SEM1: variants seen among roughly 807,000 people sequenced by gnomAD.
SEM1 encodes the protein 26S proteasome complex subunit SEM1.
Under a neutral mutation model 12.7 loss-of-function variants are expected in SEM1, and 3 were observed. That is an observed-to-expected ratio of 0.24 (90% CI 0.11 to 0.61). The LOEUF (loss-of-function observed/expected upper bound fraction) is 0.61, where lower values mean the gene tolerates loss of function less well. SEM1 is among the 20% of genes least tolerant of loss of function. The pLI is 0.88. For missense variants in SEM1, 59 were observed against 81.3 expected (o/e 0.73, Z 1.06); for synonymous variants, 30 against 27.8 (o/e 1.08, Z -0.25).
chr7:96,486,564 G>A, intron 1 of SEM1: 1 of 650,442 alleles, frequency 1.5e-6, no homozygotes, highest in South Asian at 1.9e-5. Flanking sequence ...CAAAAGCAGT[G>A]TAAGAGCAGG....
intron 2 of SEM1, chr7:96,653,921 G>A (rs918294476): frequency 6.6e-6 from 1 of 152,180 alleles, no homozygotes; most frequent in Non-Finnish European, 1.5e-5. Flanking sequence ...ACTTAATAGT[G>A]TCTATTTCTT....
intron 2 of SEM1, among the ~76,000 whole-genome samples, chr7:96,627,931 T>G (rs759334214): frequency 1.3e-5 from 2 of 152,128 alleles, no homozygotes; most frequent in Non-Finnish European, 2.9e-5. Context: ...TAATATTTGC[T>G]TTATATCTCT....
At chr7:96,542,469 A>G (rs1411609580) in intron 2 of SEM1, among the ~76,000 whole-genome samples, 2 of 151,858 alleles carry the variant, frequency 1.3e-5, no homozygotes, top group African/African-American at 4.8e-5. Context: ...ACTTTACTGA[A>G]GTCTTTTATC....
chr7:96,546,879 T>C (rs1265981536), intron 2 of SEM1, among the ~76,000 whole-genome samples: 2 of 152,102 alleles, frequency 1.3e-5, no homozygotes, highest in Non-Finnish European at 2.9e-5. Context: ...ACCTAGTTGA[T>C]TAGAAGCCAA....
At chr7:96,565,862 A>C (rs1563063209) in intron 2 of SEM1, among the ~76,000 whole-genome samples, 1 of 151,904 alleles carries the variant, frequency 6.6e-6, no homozygotes, top group Non-Finnish European at 1.5e-5. Flanking sequence ...GTGTTCCCAC[A>C]GATCTTCTTC....
intron 2 of SEM1, among the ~76,000 whole-genome samples, chr7:96,561,477 A>G (rs997446497): frequency 6.6e-6 from 1 of 152,154 alleles, no homozygotes; most frequent in African/African-American, 2.4e-5. Flanking sequence ...TCCCCTCACA[A>G]AATGGCAGAG....
intron 2 of SEM1, among the ~76,000 whole-genome samples, chr7:96,628,372 AT>A (rs777929232): frequency 5.3e-5 from 8 of 151,836 alleles, no homozygotes; most frequent in Non-Finnish European, 7.4e-5. Context: ...TGGTGATATA[AT>A]TTAGTTTCTT....
At chr7:96,550,015 T>G (rs1014018702) in intron 2 of SEM1, among the ~76,000 whole-genome samples, 1 of 152,122 alleles carries the variant, frequency 6.6e-6, no homozygotes, top group Admixed American at 6.5e-5. Flanking sequence ...GAACATGGGA[T>G]TGTTGGAAGC....
chr7:96,504,336 T>A (rs1453298648), intron 3 of SEM1, among the ~76,000 whole-genome samples: 1 of 152,178 alleles, frequency 6.6e-6, no homozygotes, highest in Non-Finnish European at 1.5e-5. Context: ...TAAGCAAAGC[T>A]TGGTGTCTAA....
At chr7:96,576,177 A>T (rs1451149492) in intron 2 of SEM1, among the ~76,000 whole-genome samples, 3 of 152,174 alleles carry the variant, frequency 2.0e-5, no homozygotes, top group African/African-American at 4.8e-5. Flanking sequence ...GGCATGCTAC[A>T]GTGTATTTAT....
chr7:96,545,753 A>G (rs1415558500), intron 2 of SEM1, among the ~76,000 whole-genome samples: 1 of 152,072 alleles, frequency 6.6e-6, no homozygotes, highest in Non-Finnish European at 1.5e-5. Context: ...GCCCATACAG[A>G]TAAATGCAAA....
chr7:96,596,915 C>A (rs769168385), intron 2 of SEM1, among the ~76,000 whole-genome samples: 2 of 152,108 alleles, frequency 1.3e-5, no homozygotes, highest in Non-Finnish European at 2.9e-5. Context: ...CAATGATAAG[C>A]ATTCCCCAGA....
chr7:96,487,314 C>T (rs995795683), intron 1 of SEM1, among the ~76,000 whole-genome samples: 10 of 150,060 alleles, frequency 6.7e-5, no homozygotes, highest in African/African-American at 2.5e-4. Context: ...CCATGCTATA[C>T]TATGAGTCTG....
Position 96,640,942 on chromosome 7 carries a change from G to C in SEM1, c.171-18299C>G, listed in dbSNP as rs964484527. Among the ~76,000 whole-genome samples the C allele has an allele frequency of 2.0e-5, 3 of 151,910 alleles. No individual in the cohort carries two copies. The highest frequency in any genetic ancestry group is 7.2e-5 in the African/African-American group (3 of 41,400). On this transcript the variant is annotated intron_variant, in intron 2 of 2. Transcript: ENST00000417009. This position sits in a 1 kb window ranked among gnomAD's most constrained non-coding sequence, Gnocchi z 4.0. ...AAAAACTTAGAGTAATCTCACACTTGAAGGTTTGAGAAGACTCACTCAGAA... is the reference window on the plus strand; with the variant it reads ...AAAAACTTAGAGTAATCTCACACTTCAAGGTTTGAGAAGACTCACTCAGAA...
At chr7:96,619,005 T>C (rs1255040562), downstream of SEM1, among the ~76,000 whole-genome samples, 1 of 152,214 alleles carries the variant, frequency 6.6e-6, no homozygotes, top group Non-Finnish European at 1.5e-5. Flanking sequence ...ACTGAATTGA[T>C]TTTTGATTTC....
chr7:96,692,483 C>T (rs909086071), intron 2 of SEM1, among the ~76,000 whole-genome samples: 4 of 151,938 alleles, frequency 2.6e-5, no homozygotes, highest in Non-Finnish European at 5.9e-5. Context: ...GATGCCAAGG[C>T]GGAACAAAAG....
At chr7:96,618,987 A>T (rs1584809498), downstream of SEM1, among the ~76,000 whole-genome samples, 1 of 152,174 alleles carries the variant, frequency 6.6e-6, no homozygotes, top group South Asian at 2.1e-4. Flanking sequence ...TAAATTTTTC[A>T]TTCATATACT....
At chr7:96,647,880 G>A (rs888508617) in intron 2 of SEM1, among the ~76,000 whole-genome samples, 3 of 152,120 alleles carry the variant, frequency 2.0e-5, no homozygotes, top group South Asian at 2.1e-4. Context: ...TGTAAAACAC[G>A]CTAAATGAAG....
chr7:96,633,594 T>C (rs957887905), intron 2 of SEM1, among the ~76,000 whole-genome samples: 1 of 152,156 alleles, frequency 6.6e-6, no homozygotes, highest in African/African-American at 2.4e-5. Context: ...CATTATATAT[T>C]ATGCAACCAG....
Sources: allele counts gnomAD v4.1 joint callset (sites outside exome capture counted in the v4.1 genomes callset), GRCh38; gene constraint gnomAD v4.1.1; non-coding constraint Gnocchi (gnomAD v3.1); transcripts MANE v1.5; gene names NCBI Gene and HGNC (gene_info 2026-07-23, HGNC 2026-07-21).